Variants in MACROD2 observed in about 807,000 individuals in gnomAD.
The protein encoded by MACROD2 is mono-ADP ribosylhydrolase 2.
MACROD2 carries 36 observed loss-of-function variants against 70.4 expected under a neutral mutation model. That is an observed-to-expected ratio of 0.51 (90% CI 0.39 to 0.68). MACROD2 has a LOEUF of 0.68. MACROD2 is among the 30% of genes least tolerant of loss of function. The pLI is 0.00. For missense variants in MACROD2, 496 were observed against 538.4 expected (o/e 0.92, Z 0.78); for synonymous variants, 172 against 178.8 (o/e 0.96, Z 0.30).
At chr20:15,167,991 G>A (rs8126273) in intron 5 of MACROD2, among the ~76,000 whole-genome samples, 17,499 of 152,072 alleles carry the variant, frequency 0.12, 1,365 homozygotes, top group African/African-American at 0.22. Flanking sequence ...TCTTTCCTCT[G>A]TCCCCACACC....
intron 12 of MACROD2, among the ~76,000 whole-genome samples, chr20:15,953,111 A>G (rs2065929420): frequency 1.3e-5 from 2 of 152,188 alleles, no homozygotes; most frequent in Admixed American, 6.6e-5. Context: ...AGTCAGGAAA[A>G]GAAAGTTAAA....
At chr20:15,797,288 G>A (rs952061246) in intron 8 of MACROD2, among the ~76,000 whole-genome samples, 1 of 152,042 alleles carries the variant, frequency 6.6e-6, no homozygotes, top group Non-Finnish European at 1.5e-5. Flanking sequence ...TAATTTTTTT[G>A]TATTTTTTAG....
At chr20:15,422,462 T>C (rs2046242762) in intron 6 of MACROD2, among the ~76,000 whole-genome samples, 1 of 152,130 alleles carries the variant, frequency 6.6e-6, no homozygotes, top group Non-Finnish European at 1.5e-5. Flanking sequence ...AGAAATCCTT[T>C]AGTATTCCTT....
intron 8 of MACROD2, among the ~76,000 whole-genome samples, chr20:15,716,293 T>C (rs1229909779): frequency 2.0e-5 from 3 of 152,246 alleles, no homozygotes; most frequent in Non-Finnish European, 4.4e-5. Flanking sequence ...CTCCTACGAA[T>C]GGTTTTATTC....
At chr20:15,432,292 T>C (rs542024372) in intron 7 of MACROD2, among the ~76,000 whole-genome samples, 1 of 152,118 alleles carries the variant, frequency 6.6e-6, no homozygotes, top group Non-Finnish European at 1.5e-5. Flanking sequence ...TTTTTCTTCA[T>C]CTGGTATTTC....
intron 5 of MACROD2, among the ~76,000 whole-genome samples, chr20:15,111,470 C>T (rs1392958949): frequency 6.6e-6 from 1 of 152,024 alleles, no homozygotes; most frequent in East Asian, 1.9e-4. Context: ...GCGCCTGGCC[C>T]TCTAGTGTGT....
chr20:15,479,545 T>G (rs1052178451), intron 7 of MACROD2, among the ~76,000 whole-genome samples: 2 of 152,096 alleles, frequency 1.3e-5, no homozygotes, highest in Non-Finnish European at 2.9e-5. Context: ...AGTGCTGGGA[T>G]TACAGGCGTG....
rs181194601 is a variant in MACROD2, at chr20:15,524,874, A to G, written c.645+25027A>G. 7.2e-5 allele frequency among the ~76,000 whole-genome samples: 11 copies of G among 152,358 alleles called. No individual in the cohort carries two copies. In the East Asian group the frequency reaches 9.6e-4, roughly 13 times the overall value. On this transcript the variant is annotated intron_variant, in intron 8 of 17. Coordinates refer to ENST00000684519, the MANE Select transcript of MACROD2 (RefSeq NM_001351661.2). ...GTCACATGTGGCTGGTGGCTACCAT[A>G]TTGGACAGAGCAAAGTAGAACATTT...
rs1244819769 is a variant in MACROD2 at position 15,455,098 on chromosome 20, C to T, written c.571+23663C>T. 4.6e-5 allele frequency among the ~76,000 whole-genome samples: 7 copies of T among 152,182 alleles called. No homozygotes were observed. The East Asian group carries it at 1.2e-3, about 25-fold the overall frequency. On this transcript the variant is annotated intron_variant, in intron 7 of 17. Transcript: ENST00000684519. ...GCATCCCAACTTCAGGTTTCACCCA[C>T]GTAGCCAACAGCGAGAATTACATCC...
At chr20:15,798,461 A>G (rs2063695128) in intron 8 of MACROD2, among the ~76,000 whole-genome samples, 1 of 152,160 alleles carries the variant, frequency 6.6e-6, no homozygotes, top group Non-Finnish European at 1.5e-5. Context: ...GAAACTGCCA[A>G]GAAAACCAGG....
chr20:14,123,475 C>T (rs2054609448), intron 3 of MACROD2, among the ~76,000 whole-genome samples: 1 of 152,140 alleles, frequency 6.6e-6, no homozygotes, highest in Non-Finnish European at 1.5e-5. Context: ...AACTAAGACC[C>T]CAGCTCCATG....
chr20:14,814,501 TA>T (rs1270099106), intron 5 of MACROD2, among the ~76,000 whole-genome samples: 1 of 152,098 alleles, frequency 6.6e-6, no homozygotes, highest in Admixed American at 6.6e-5. Flanking sequence ...ATGTGAATAG[TA>T]GATCGTTTTT....
At chr20:14,353,393 A>G (rs12624555) in intron 3 of MACROD2, among the ~76,000 whole-genome samples, 29,565 of 152,056 alleles carry the variant, frequency 0.19, 3,028 homozygotes, top group East Asian at 0.31. Flanking sequence ...GACTGCAAGG[A>G]ACATTCTTTT....
intron 3 of MACROD2, among the ~76,000 whole-genome samples, chr20:14,314,071 TAGATAAGTGTTC>T (rs2082591793): frequency 1.3e-5 from 2 of 152,354 alleles, no homozygotes; most frequent in South Asian, 4.1e-4. Flanking sequence ...GGTAACCATC[TAGATAAGTGTTC>T]TTATTTAACA....
chr20:15,098,490 A>G (rs2075849861), intron 5 of MACROD2, among the ~76,000 whole-genome samples: 2 of 152,186 alleles, frequency 1.3e-5, no homozygotes, highest in African/African-American at 4.8e-5. Flanking sequence ...AGTGTCCTCC[A>G]TGCTTGACTT....
intron 8 of MACROD2, among the ~76,000 whole-genome samples, chr20:15,837,475 C>T (rs1410985761): frequency 2.6e-5 from 4 of 152,126 alleles, no homozygotes; most frequent in Non-Finnish European, 5.9e-5. Flanking sequence ...AAGAACCCCT[C>T]GAGGGCTCTA....
chr20:15,858,740 C>G (rs1053850913), intron 8 of MACROD2, among the ~76,000 whole-genome samples: 1 of 152,204 alleles, frequency 6.6e-6, no homozygotes, highest in Admixed American at 6.5e-5. Flanking sequence ...CATATTGTCT[C>G]TCTGCTTCCT....
intron 6 of MACROD2, among the ~76,000 whole-genome samples, chr20:15,348,012 C>T (rs1174182312): frequency 1.3e-5 from 2 of 152,214 alleles, no homozygotes; most frequent in African/African-American, 4.8e-5. Flanking sequence ...AACCCCATTT[C>T]GCCTTCCTTC....
intron 4 of MACROD2, among the ~76,000 whole-genome samples, chr20:14,572,912 A>G (rs1420696595): frequency 3.3e-5 from 5 of 150,902 alleles, no homozygotes; most frequent in Non-Finnish European, 4.4e-5. Context: ...AATATAAAAT[A>G]TATAAAGATA....
Sources: gnomAD v4.1 joint callset for allele counts (sites outside exome capture counted in the v4.1 genomes callset) on GRCh38, gnomAD v4.1.1 for gene constraint, MANE v1.5 for transcripts, NCBI Gene and HGNC (gene_info 2026-07-23, HGNC 2026-07-21) for gene names.